The following RRBP1 variants were observed in gnomAD, a reference collection of about 807,000 sequenced individuals.
RRBP1 encodes the protein ribosome binding protein 1, also known as ribosome-binding protein 1.
In RRBP1, 94 loss-of-function variants were observed where a neutral mutation model predicts 165.2. The observed-to-expected ratio is 0.57, with a 90% CI of 0.48 to 0.68. The LOEUF is 0.68. RRBP1 is among the 30% of genes least tolerant of loss of function. The pLI is 0.00. For missense variants in RRBP1, 1,676 were observed against 1,763.0 expected (o/e 0.95, Z 0.88); for synonymous variants, 680 against 714.5 (o/e 0.95, Z 0.77).
At chr20:17,618,280 C>A (rs995868196) in intron 20 of RRBP1, among the ~76,000 whole-genome samples, 1 of 152,180 alleles carries the variant, frequency 6.6e-6, no homozygotes, top group Non-Finnish European at 1.5e-5. Context: ...CCCTGACGCC[C>A]CCAGGTGACT....
At chr20:17,649,563 G>A (rs1420898490) in intron 3 of RRBP1, among the ~76,000 whole-genome samples, 1 of 127,220 alleles carries the variant, frequency 7.9e-6, no homozygotes, top group Non-Finnish European at 1.6e-5. Flanking sequence ...AGCAAAGCAG[G>A]CTACACATGG....
At chr20:17,652,397 G>C (rs1318525868) in intron 3 of RRBP1, among the ~76,000 whole-genome samples, 2 of 152,182 alleles carry the variant, frequency 1.3e-5, no homozygotes, top group African/African-American at 2.4e-5. Flanking sequence ...ATATGGGACA[G>C]CACAGCCCTA....
intron 9 of RRBP1, among the ~76,000 whole-genome samples, chr20:17,628,178 C>T (rs924342345): frequency 1.3e-5 from 2 of 152,142 alleles, no homozygotes; most frequent in East Asian, 1.9e-4. Flanking sequence ...TGTCCTCCTC[C>T]TCAGGTCACC....
chr20:17,681,396 G>A (rs958233800), intron 1 of RRBP1, among the ~76,000 whole-genome samples: 40 of 147,778 alleles, frequency 2.7e-4, no homozygotes, highest in Non-Finnish European at 5.3e-4. Flanking sequence ...TCCCTGCGCC[G>A]CGAGCCCTGC....
At chr20:17,617,615 G>A (rs927487337) in intron 20 of RRBP1, among the ~76,000 whole-genome samples, 1 of 152,238 alleles carries the variant, frequency 6.6e-6, no homozygotes, top group Non-Finnish European at 1.5e-5. Flanking sequence ...CCCGGGGCCT[G>A]TCACCCAGAC....
intron 2 of RRBP1, among the ~76,000 whole-genome samples, chr20:17,679,237 T>TA (rs1315950014): frequency 6.6e-6 from 1 of 152,196 alleles, no homozygotes; most frequent in Non-Finnish European, 1.5e-5. Flanking sequence ...AAGTGAACCT[T>TA]AAAAACCAAG....
chr20:17,614,523 C>A (rs930099309), intron 24 of RRBP1, among the ~76,000 whole-genome samples: 4 of 152,084 alleles, frequency 2.6e-5, no homozygotes, highest in African/African-American at 9.7e-5. Context: ...CAAGGGAACC[C>A]CAGAAGGGTG....
intron 21 of RRBP1, among the ~76,000 whole-genome samples, chr20:17,616,256 C>T (rs1036630046): frequency 2.6e-5 from 4 of 152,110 alleles, no homozygotes; most frequent in Admixed American, 6.5e-5. Flanking sequence ...ACGATGCCTC[C>T]GAGCCCTGGC....
intron 19 of RRBP1, 54 bp downstream of exon 19, chr20:17,619,579 G>A (rs138255326): frequency 7.6e-7 from 1 of 1,314,368 alleles, no homozygotes. Flanking sequence ...AGCAGCTCAG[G>A]GAGGACCGCA....
intron 13 of RRBP1, among the ~76,000 whole-genome samples, chr20:17,623,946 T>G: frequency 6.8e-6 from 1 of 146,464 alleles, no homozygotes; most frequent in Non-Finnish European, 1.5e-5. Flanking sequence ...AAAAAAAAAG[T>G]CTCCTCACAG....
intron 2 of RRBP1, among the ~76,000 whole-genome samples, chr20:17,669,151 T>C (rs1163721608): frequency 6.6e-6 from 1 of 152,182 alleles, no homozygotes; most frequent in Non-Finnish European, 1.5e-5. Flanking sequence ...TAAAGAAGAG[T>C]TGAAACACTA....
At chr20:17,655,751 T>G (rs1221439691) in intron 3 of RRBP1, among the ~76,000 whole-genome samples, 2 of 152,248 alleles carry the variant, frequency 1.3e-5, no homozygotes, top group Non-Finnish European at 1.5e-5. Flanking sequence ...TTCAAAATGG[T>G]CACACAATTT....
chr20:17,621,968 A>C (rs2035924007), intron 13 of RRBP1, 21 bp from the exon 14 acceptor site: 1 of 1,594,936 alleles, frequency 6.3e-7, no homozygotes, highest in African/African-American at 1.3e-5. Context: ...GGTGGGGAAG[A>C]GCGGAAGGTG....
chr20:17,627,561 GA>G lies in RRBP1; in HGVS notation c.2870del (p.Ile957ThrfsTer59). On this transcript the variant is annotated frameshift_variant, in exon 10 of 25. Coordinates refer to ENST00000377813, the MANE Select transcript of RRBP1 (RefSeq NM_001365613.2). LOFTEE classifies it high-confidence loss of function. ...CCTCCAGCAGGGCCTCAATGGAACG[GA>G]TTCTCTCTGTGAGCTGGGAGTTCTC... The part of the protein sequence containing the change: ...RAENSQLTER[I>X]RSIEALLEAG... 6.2e-7 allele frequency: 1 copy of G among 1,613,484 alleles called. No individual in the cohort carries two copies. The highest frequency in any genetic ancestry group is 8.5e-7 in the Non-Finnish European group (1 of 1,179,918).
chr20:17,627,405 C>G lies in RRBP1; in HGVS notation c.2929-23G>C, dbSNP rs779409636. On this transcript the variant is annotated intron_variant, in intron 10 of 24. Transcript: ENST00000377813. ...GGCCTGGAATGAGAGACAAAAGCTC[C>G]TTGGTCTCCAGGAGACTCATCTCAC... 5.0e-6 allele frequency: 8 copies of G among 1,613,712 alleles called. No individual in the cohort carries two copies. In the South Asian group the frequency reaches 8.8e-5, roughly 18 times the overall value.
chr20:17,637,688 C>T (rs1451263843), intron 5 of RRBP1, among the ~76,000 whole-genome samples: 1 of 152,142 alleles, frequency 6.6e-6, no homozygotes, highest in South Asian at 2.1e-4. Context: ...GGGAAAGAAC[C>T]CTGAGGAGGA....
At chr20:17,664,164 TA>T (rs2036822765) in intron 2 of RRBP1, among the ~76,000 whole-genome samples, 1 of 152,084 alleles carries the variant, frequency 6.6e-6, no homozygotes, top group Non-Finnish European at 1.5e-5. Flanking sequence ...CATGATTAAG[TA>T]AAGTAAGGGT....
At chr20:17,673,085 T>C (rs2037009117) in intron 2 of RRBP1, among the ~76,000 whole-genome samples, 4 of 152,256 alleles carry the variant, frequency 2.6e-5, no homozygotes, top group South Asian at 2.1e-4. Context: ...ACTTATTGCG[T>C]AGACTCGTGA....
chr20:17,642,862 A>G, intron 4 of RRBP1, 117 bp downstream of exon 4: 3 of 1,154,130 alleles, frequency 2.6e-6, no homozygotes, highest in Non-Finnish European at 3.7e-6. Flanking sequence ...GAATTCTGCC[A>G]GGAAAGAGAA....
Sources: allele counts gnomAD v4.1 joint callset (sites outside exome capture counted in the v4.1 genomes callset), GRCh38; gene constraint gnomAD v4.1.1; transcripts MANE v1.5; gene names NCBI Gene and HGNC (gene_info 2026-07-23, HGNC 2026-07-21).